ELP3: variants seen among roughly 807,000 people sequenced by gnomAD.
ELP3 encodes the protein elongator acetyltransferase complex subunit 3.
A neutral mutation model predicts 74.9 loss-of-function variants in ELP3; 56 were observed. The observed-to-expected ratio is 0.75, with a 90% CI of 0.60 to 0.93. The LOEUF (loss-of-function observed/expected upper bound fraction) is 0.93. Among genes scored for constraint, ELP3 ranks in the 40% least tolerant of loss-of-function variants. The pLI, the probability that ELP3 is intolerant of heterozygous loss-of-function variation, is 0.00. For missense variants in ELP3, 573 were observed against 686.5 expected (o/e 0.83, Z 1.85); for synonymous variants, 222 against 239.8 (o/e 0.93, Z 0.68).
At chr8:28,153,906 C>T (rs558147438) in intron 10 of ELP3, among the ~76,000 whole-genome samples, 4 of 152,172 alleles carry the variant, frequency 2.6e-5, no homozygotes, top group African/African-American at 7.2e-5. Flanking sequence ...CCACAGAGGC[C>T]CTACCTTTAG....
intron 14 of ELP3, among the ~76,000 whole-genome samples, chr8:28,164,828 A>T (rs1475324949): frequency 6.6e-6 from 1 of 151,952 alleles, no homozygotes; most frequent in Admixed American, 6.6e-5. Flanking sequence ...TGGTGTTTTT[A>T]ATGTTGTGTT....
intron 8 of ELP3, among the ~76,000 whole-genome samples, chr8:28,131,164 AAG>A (rs1812773516): frequency 6.6e-6 from 1 of 152,210 alleles, no homozygotes; most frequent in Non-Finnish European, 1.5e-5. Context: ...AAGTGAGGAT[AAG>A]AGAGAATGGG....
At chr8:28,106,527 G>C (rs1221465658) in intron 3 of ELP3, among the ~76,000 whole-genome samples, 186 bp from the exon 4 acceptor site, 1 of 132,170 alleles carries the variant, frequency 7.6e-6, no homozygotes. Context: ...GCGACAGAGC[G>C]AGACTCCGTC....
At chr8:28,185,337 C>A (rs1585766032) in intron 14 of ELP3, among the ~76,000 whole-genome samples, 3 of 152,118 alleles carry the variant, frequency 2.0e-5, no homozygotes, top group African/African-American at 7.2e-5. Context: ...CAACATAGAG[C>A]CAATTTTTTT....
chr8:28,119,074 C>T (rs1014717070), intron 7 of ELP3: 2 of 152,194 alleles, frequency 1.3e-5, no homozygotes, highest in African/African-American at 4.8e-5. Context: ...CTGCCCTGGG[C>T]GTCATTTCTG....
chr8:28,167,160 A>G (rs1814337734), intron 14 of ELP3, among the ~76,000 whole-genome samples: 5 of 152,210 alleles, frequency 3.3e-5, no homozygotes, highest in Admixed American at 3.3e-4. Context: ...ATATAGGGTG[A>G]TTAAATGAGT....
At position 28,107,930 on chromosome 8, in the gene ELP3, C is replaced by T; in HGVS notation, c.347C>T (p.Pro116Leu). ...GNICVYCPGG[P>L]DSDFEYSTQS... ...ACTGGCAGATACTGCCCTGGTGGAC[C>T]TGATTCTGATTTTGAGTATTCCACC... The change falls in exon 5 of 15, where the codon CCT (proline) becomes CTT (leucine). Residue 116 changes from proline (P) to leucine (L), a missense_variant. Coordinates refer to ENST00000256398, the MANE Select transcript of ELP3 (RefSeq NM_018091.6). 6.2e-7 allele frequency: 1 copy of T among 1,613,888 alleles called. No individual in the cohort carries two copies. Among genetic ancestry groups the T allele is most frequent in the Non-Finnish European group, 8.5e-7 (1 of 1,179,940 alleles).
At chr8:28,108,395 G>T (rs934473270) in intron 5 of ELP3, among the ~76,000 whole-genome samples, 1 of 150,788 alleles carries the variant, frequency 6.6e-6, no homozygotes, top group Non-Finnish European at 1.5e-5. Context: ...ACATTGTACT[G>T]TCACTTTAGC....
rs1268236472 is a variant in ELP3 at position 28,152,341 on chromosome 8, T to C, written c.1101-3601T>C. On this transcript the variant is annotated intron_variant, in intron 10 of 14. Transcript: ENST00000256398. ...TTTGTTGTTGAGTTGTAAGAGTTCA[T>C]TATATATGCTAGATATAAGTCCCTT... is the stretch of plus-strand genomic sequence containing the variant. Among the ~76,000 whole-genome samples, 4 of 152,344 alleles carry C rather than the reference T, an allele frequency of 2.6e-5. No homozygotes were observed. In the East Asian group the frequency reaches 7.7e-4, roughly 29 times the overall value.
chr8:28,121,873 G>A (rs1812387426), intron 7 of ELP3, among the ~76,000 whole-genome samples: 1 of 152,160 alleles, frequency 6.6e-6, no homozygotes, highest in Non-Finnish European at 1.5e-5. Context: ...TTCTTACAGT[G>A]TTAAACAGAA....
In ELP3 at chr8:28,181,258, C is replaced by T. The variant is rs1466229466; in HGVS notation, c.1568-8391C>T. 6.6e-5 allele frequency among the ~76,000 whole-genome samples: 10 copies of T among 152,186 alleles called. No individual in the cohort carries two copies. The East Asian group carries it at 1.2e-3, about 18-fold the overall frequency. ...CATCTGTTCACTAAGCTTAAATACT[C>T]ACGACTCTTCTGCCCTGCCTCTAGC... is the stretch of plus-strand genomic sequence containing the variant. On this transcript the variant is annotated intron_variant, in intron 14 of 14. Coordinates refer to ENST00000256398, the MANE Select transcript of ELP3 (RefSeq NM_018091.6).
intron 2 of ELP3, among the ~76,000 whole-genome samples, chr8:28,099,400 G>A (rs1184203781): frequency 6.6e-6 from 1 of 152,138 alleles, no homozygotes; most frequent in Non-Finnish European, 1.5e-5. Flanking sequence ...ACAAGAAGAA[G>A]GCTGGTAGTA....
chr8:28,106,273 G>GCTCACGCCTGTAATCCCAGCA (rs1811683641), intron 3 of ELP3, among the ~76,000 whole-genome samples: 1 of 152,052 alleles, frequency 6.6e-6, no homozygotes, highest in Non-Finnish European at 1.5e-5. Context: ...GGGCGCGGTG[G>GCTCACGCCTGTAATCCCAGCA]CTCACGCCTG....
chr8:28,180,830 G>A (rs1194437045), intron 14 of ELP3, among the ~76,000 whole-genome samples: 2 of 152,122 alleles, frequency 1.3e-5, no homozygotes, highest in Admixed American at 1.3e-4. Context: ...CCAGAAGAGG[G>A]GGTGCTATGC....
chr8:28,114,490 A>G (rs1020957317), intron 7 of ELP3, among the ~76,000 whole-genome samples: 9 of 152,246 alleles, frequency 5.9e-5, no homozygotes, highest in East Asian at 3.9e-4. Context: ...GAGCCAGTAC[A>G]TCACATGACG....
chr8:28,110,287 G>A, intron 5 of ELP3, 83 bp from the exon 6 acceptor site: 1 of 1,189,672 alleles, frequency 8.4e-7, no homozygotes, highest in Non-Finnish European at 1.2e-6. Flanking sequence ...GAACCATGGA[G>A]AGTTTTTTTT....
chr8:28,099,847 G>A lies in ELP3; in HGVS notation c.139G>A (p.Ala47Thr), dbSNP rs142813806. The change falls in exon 3 of 15, where the codon GCC becomes ACC. Residue 47 changes from alanine to threonine, a missense_variant. Transcript: ENST00000256398. ...TTTCAGGGTGAAAACCAAGACAGCT[G>A]CCAAATATGGCCTTTCTGCCCAGCC... ...DLNKVKTKTAAKYGLSAQPRL... is the reference protein window; with the variant it reads ...DLNKVKTKTATKYGLSAQPRL... 228 of 1,614,084 alleles carry A rather than the reference G, an allele frequency of 1.4e-4. No individual in the cohort carries two copies. Among genetic ancestry groups the A allele is most frequent in the Non-Finnish European group, 1.8e-4 (215 of 1,180,052 alleles).
At chr8:28,094,122 G>C (rs1211369815) in intron 1 of ELP3, among the ~76,000 whole-genome samples, 2 of 152,132 alleles carry the variant, frequency 1.3e-5, no homozygotes, top group African/African-American at 2.4e-5. Flanking sequence ...ATTAAGTCTT[G>C]TCATATTTGC....
intron 8 of ELP3, among the ~76,000 whole-genome samples, chr8:28,132,003 A>C (rs1372974968): frequency 6.6e-6 from 1 of 152,176 alleles, no homozygotes; most frequent in African/African-American, 2.4e-5. Context: ...CTTTACTTTC[A>C]AGACTTTAAG....
Sources: gnomAD v4.1 joint callset for allele counts (sites outside exome capture counted in the v4.1 genomes callset) on GRCh38, gnomAD v4.1.1 for gene constraint, MANE v1.5 for transcripts, NCBI Gene and HGNC (gene_info 2026-07-23, HGNC 2026-07-21) for gene names.